KCNQ3: variants seen among roughly 807,000 people sequenced by gnomAD.
The protein encoded by KCNQ3 is potassium voltage-gated channel subfamily Q member 3, also known as potassium voltage-gated channel subfamily KQT member 3.
In KCNQ3, 30 loss-of-function variants were observed where a neutral mutation model predicts 92.5. The observed-to-expected ratio is 0.32, with a 90% CI of 0.24 to 0.44. KCNQ3 has a LOEUF of 0.44. KCNQ3 is among the 20% of genes least tolerant of loss of function. The pLI is 1.00. For synonymous variants in KCNQ3, 450 were observed against 468.8 expected (o/e 0.96, Z 0.52); for missense variants, 913 against 1,140.3 (o/e 0.80, Z 2.87).
intron 3 of KCNQ3, among the ~76,000 whole-genome samples, chr8:132,182,870 T>C (rs2130169838): frequency 6.9e-6 from 1 of 144,926 alleles, no homozygotes; most frequent in African/African-American, 2.7e-5. Context: ...ATTAAAAAAG[T>C]CCTCCAATAT....
intron 1 of KCNQ3, among the ~76,000 whole-genome samples, chr8:132,239,297 A>C (rs944471667): frequency 6.6e-5 from 10 of 152,324 alleles, no homozygotes; most frequent in African/African-American, 2.4e-4. Context: ...CTCTTTGGCA[A>C]ATTGCTAAAT....
At position 132,447,050 on chromosome 8, in the gene KCNQ3, T is replaced by C. The variant is rs561373802; in HGVS notation, c.386+33097A>G. The stretch of plus-strand genomic sequence containing the variant: ...GTTCAATCCCACAACAAACATTTCC[T>C]GAGCCCCTTCTGGGAACCCAGGGTG... On this transcript the variant is annotated intron_variant, in intron 1 of 14. Transcript: ENST00000388996. The C allele has an allele frequency of 2.6e-4, 169 of 656,994 alleles. 1 individual carries two copies. The South Asian group carries it at 3.1e-3, about 12-fold the overall frequency. The allele number at this position is 656,994 out of a possible 1,614,324, so 40.7% of individuals were successfully genotyped here.
chr8:132,175,734 C>T, intron 4 of KCNQ3, 126 bp from the exon 5 acceptor site: 2 of 804,646 alleles, frequency 2.5e-6, no homozygotes, highest in Non-Finnish European at 4.3e-6. Context: ...AATCACTCAC[C>T]TTCTCTGATC....
chr8:132,341,854 C>T (rs1051493751), intron 1 of KCNQ3, among the ~76,000 whole-genome samples: 5 of 152,288 alleles, frequency 3.3e-5, no homozygotes, highest in African/African-American at 7.2e-5. Flanking sequence ...CAGTTTTTAC[C>T]TGGCAAAAAT....
At chr8:132,220,875 T>C (rs537491468) in intron 1 of KCNQ3, among the ~76,000 whole-genome samples, 226 of 152,294 alleles carry the variant, frequency 1.5e-3, no homozygotes, top group Non-Finnish European at 3.0e-3. Flanking sequence ...TGCAGGTTTG[T>C]TATATAGGTA....
chr8:132,439,710 G>A (rs112689787), intron 1 of KCNQ3, among the ~76,000 whole-genome samples: 1 of 152,102 alleles, frequency 6.6e-6, no homozygotes, highest in African/African-American at 2.4e-5. Flanking sequence ...GCTGAGGAAT[G>A]CAGGTAGCCT....
chr8:132,281,116 T>C (rs1216104590), intron 1 of KCNQ3, among the ~76,000 whole-genome samples: 1 of 152,190 alleles, frequency 6.6e-6, no homozygotes, highest in African/African-American at 2.4e-5. Context: ...CTTCATTTAA[T>C]AGTCCACATC....
intron 9 of KCNQ3, among the ~76,000 whole-genome samples, 195 bp from the exon 10 acceptor site, chr8:132,141,526 C>T (rs1346835445): frequency 6.6e-6 from 1 of 152,166 alleles, no homozygotes; most frequent in Non-Finnish European, 1.5e-5. Flanking sequence ...CCTGCTAGCT[C>T]TTATACCCTG....
chr8:132,397,883 C>G (rs939407358), intron 1 of KCNQ3, among the ~76,000 whole-genome samples: 1 of 152,208 alleles, frequency 6.6e-6, no homozygotes, highest in Non-Finnish European at 1.5e-5. Flanking sequence ...ATCTATCTAT[C>G]TGTCTTTCTG....
At chr8:132,145,001 C>G (rs1487065670) in intron 9 of KCNQ3, among the ~76,000 whole-genome samples, 1 of 152,174 alleles carries the variant, frequency 6.6e-6, no homozygotes. Context: ...TGATTTTGAA[C>G]CCCCAGCCAG....
intron 1 of KCNQ3, among the ~76,000 whole-genome samples, chr8:132,312,758 C>T (rs1817631733): frequency 6.6e-6 from 1 of 152,190 alleles, no homozygotes; most frequent in Non-Finnish European, 1.5e-5. Context: ...CTCTCCCTCA[C>T]CTGCTGCCAT....
chr8:132,420,004 A>T (rs1820924114), intron 1 of KCNQ3, among the ~76,000 whole-genome samples: 1 of 152,228 alleles, frequency 6.6e-6, no homozygotes, highest in Non-Finnish European at 1.5e-5. Flanking sequence ...TATAAACAAC[A>T]GAAATTTATT....
chr8:132,219,652 T>A (rs1352528266), intron 1 of KCNQ3, among the ~76,000 whole-genome samples: 1 of 151,692 alleles, frequency 6.6e-6, no homozygotes, highest in Non-Finnish European at 1.5e-5. Context: ...CACAAAACAA[T>A]CACTTTGAAC....
intron 1 of KCNQ3, among the ~76,000 whole-genome samples, chr8:132,276,817 A>C (rs1816347105): frequency 6.6e-6 from 1 of 152,056 alleles, no homozygotes; most frequent in Non-Finnish European, 1.5e-5. Context: ...AAATCATTCG[A>C]CCCCTTAGAG....
rs554366444 is a variant in KCNQ3 at position 132,146,921 on chromosome 8, G to T, written c.1263-5590C>A. Among the ~76,000 whole-genome samples the T allele has an allele frequency of 2.6e-5, 4 of 152,312 alleles. No individual in the cohort carries two copies. In the East Asian group the frequency reaches 7.7e-4, roughly 29 times the overall value. Reference sequence around the variant, plus strand: ...GATACGCCCGCCTCGGCCTCCCAAAGTGCTGGGATTAGAGGCGTGAGCTGT... The same window carrying T: ...GATACGCCCGCCTCGGCCTCCCAAATTGCTGGGATTAGAGGCGTGAGCTGT... On this transcript the variant is annotated intron_variant, in intron 9 of 14. Coordinates refer to ENST00000388996, the MANE Select transcript of KCNQ3 (RefSeq NM_004519.4).
At chr8:132,466,280 T>C (rs1822171248) in intron 1 of KCNQ3, among the ~76,000 whole-genome samples, 2 of 149,912 alleles carry the variant, frequency 1.3e-5, no homozygotes, top group Non-Finnish European at 2.9e-5. Context: ...AGACTTCCTT[T>C]ACTTAAGAAT....
chr8:132,212,424 A>G (rs1306273580), intron 1 of KCNQ3, among the ~76,000 whole-genome samples: 1 of 152,040 alleles, frequency 6.6e-6, no homozygotes, highest in African/African-American at 2.4e-5. Context: ...CTCTTCAAGC[A>G]TTGGGAGGCA....
chr8:132,340,033 G>A (rs766314726), intron 1 of KCNQ3, among the ~76,000 whole-genome samples: 1 of 151,620 alleles, frequency 6.6e-6, no homozygotes, highest in African/African-American at 2.4e-5. Context: ...CTGGTCATTA[G>A]AGAAATGCAA....
At chr8:132,465,577 A>AAAT (rs1293983122) in intron 1 of KCNQ3, among the ~76,000 whole-genome samples, 2 of 151,982 alleles carry the variant, frequency 1.3e-5, no homozygotes, top group South Asian at 2.1e-4. Context: ...AAAATACAAA[A>AAAT]AATAATAATA....
Sources: gnomAD v4.1 joint callset for allele counts (sites outside exome capture counted in the v4.1 genomes callset) on GRCh38, gnomAD v4.1.1 for gene constraint, MANE v1.5 for transcripts, NCBI Gene and HGNC (gene_info 2026-07-23, HGNC 2026-07-21) for gene names.